PBX3: variants seen among roughly 807,000 people sequenced by gnomAD.
PBX3 encodes the protein PBX homeobox 3.
In PBX3, 14 loss-of-function variants were observed where a neutral mutation model predicts 48.5. The ratio of observed to expected loss-of-function variants is 0.29; its 90% CI spans 0.19 to 0.45. PBX3 has a LOEUF of 0.45. PBX3 is among the 20% of genes least tolerant of loss of function. The probability of loss-of-function intolerance (pLI) is 1.00; values close to 1 mark genes in which losing one functional copy is unlikely to be tolerated. For synonymous variants in PBX3, 210 were observed against 200.3 expected (o/e 1.05, Z -0.41); for missense variants, 386 against 546.7 (o/e 0.71, Z 2.93).
chr9:125,841,576 G>A (rs1443791278), intron 2 of PBX3, among the ~76,000 whole-genome samples: 3 of 152,116 alleles, frequency 2.0e-5, no homozygotes, highest in Non-Finnish European at 2.9e-5. Context: ...TCTTACCCCA[G>A]TTTATTCAGT....
intron 2 of PBX3, among the ~76,000 whole-genome samples, chr9:125,831,163 C>T (rs969560231): frequency 6.6e-6 from 1 of 152,240 alleles, no homozygotes; most frequent in East Asian, 1.9e-4. Flanking sequence ...TGAATTTCTT[C>T]TAGACTAGAA....
chr9:125,804,752 C>T (rs1838067567), intron 2 of PBX3, among the ~76,000 whole-genome samples: 1 of 151,868 alleles, frequency 6.6e-6, no homozygotes, highest in Non-Finnish European at 1.5e-5. Flanking sequence ...CAGCCTGGAG[C>T]CTAGCCAACA....
At position 125,962,127 on chromosome 9, in the gene PBX3, A is replaced by G; in HGVS notation, c.1035A>G (p.Pro345=). ...GTTCTTCTGGTTCTTTTAACCTCCC[A>G]AATTCTGGGGACATGTTCATGAACA... ...NSGSSGSFNL[P]NSGDMFMNMQ... The change falls in exon 7 of 9, where the codon CCA becomes CCG. Residue 345 remains proline (P), a synonymous_variant. Transcript: ENST00000373489. 1.2e-6 allele frequency: 2 copies of G among 1,611,316 alleles called. No homozygotes were observed. The highest frequency in any genetic ancestry group is 1.1e-5 in the South Asian group (1 of 90,954).
intron 2 of PBX3, among the ~76,000 whole-genome samples, chr9:125,899,521 G>T (rs1840891449): frequency 6.7e-6 from 1 of 149,088 alleles, no homozygotes; most frequent in Non-Finnish European, 1.5e-5. Context: ...TATTGTCAGA[G>T]GGTAGGTACA....
intron 2 of PBX3, among the ~76,000 whole-genome samples, chr9:125,887,930 G>A (rs908937059): frequency 6.6e-6 from 1 of 152,124 alleles, no homozygotes; most frequent in African/African-American, 2.4e-5. Flanking sequence ...AGATTACTGT[G>A]CATAATCAGC....
rs146047780 is a variant in PBX3 at position 125,748,751 on chromosome 9, C to T, written c.274+128C>T. 8.5e-4 allele frequency: 532 copies of T among 627,872 alleles called. 3 individuals are homozygous for T. Among genetic ancestry groups the T allele is most frequent in the African/African-American group, 8.1e-3 (442 of 54,906 alleles). 38.9% of individuals were successfully genotyped at this position (627,872 alleles called of 1,614,324 possible). On this transcript the variant is annotated intron_variant, in intron 2 of 8. Coordinates refer to ENST00000373489, the MANE Select transcript of PBX3 (RefSeq NM_006195.6). ...ATCTTTGATCATTCTCTCCTTCCCA[C>T]GTCCTGATCTTGAGAAAAAACTGCA...
chr9:125,853,478 AAAG>A (rs1466084855), intron 2 of PBX3, among the ~76,000 whole-genome samples: 1 of 152,216 alleles, frequency 6.6e-6, no homozygotes, highest in Non-Finnish European at 1.5e-5. Flanking sequence ...ATTTTTACAA[AAAG>A]AAGAATATCA....
chr9:125,795,042 C>T (rs1023993322), intron 2 of PBX3, among the ~76,000 whole-genome samples: 1 of 152,266 alleles, frequency 6.6e-6, no homozygotes, highest in African/African-American at 2.4e-5. Flanking sequence ...TAGCCACTGG[C>T]TTCATCCTCA....
intron 5 of PBX3, among the ~76,000 whole-genome samples, chr9:125,941,394 A>G (rs1841956492): frequency 6.6e-6 from 1 of 152,196 alleles, no homozygotes; most frequent in African/African-American, 2.4e-5. Context: ...GAGGAGTGAC[A>G]TGGATCTGAC....
intron 5 of PBX3, among the ~76,000 whole-genome samples, chr9:125,937,646 G>T (rs1841868132): frequency 6.6e-6 from 1 of 152,158 alleles, no homozygotes; most frequent in Non-Finnish European, 1.5e-5. Context: ...TTCTAGGCCT[G>T]ACAGGTCAAC....
Position 125,873,506 on chromosome 9 carries a change from C to A in PBX3, c.275-42180C>A, listed in dbSNP as rs539930810. ...TGACACATACCATATTCTCTTATGA[C>A]AAAACAAGTGGTTATAAATGAACAA... On this transcript the variant is annotated intron_variant, in intron 2 of 8. Transcript: ENST00000373489. Among the ~76,000 whole-genome samples the A allele has an allele frequency of 2.6e-3, 395 of 152,096 alleles. 2 individuals carry two copies. The highest frequency in any genetic ancestry group is 5.2e-3 in the South Asian group (25 of 4,812).
chr9:125,854,495 A>C (rs1458445465), intron 2 of PBX3, among the ~76,000 whole-genome samples: 1 of 152,146 alleles, frequency 6.6e-6, no homozygotes, highest in Non-Finnish European at 1.5e-5. Context: ...TTCCCAAATA[A>C]TTGCCCTTCA....
intron 2 of PBX3, chr9:125,797,608 G>A (rs939400365): frequency 6.6e-6 from 1 of 152,092 alleles, no homozygotes; most frequent in Non-Finnish European, 1.5e-5. Context: ...ATAGTACACA[G>A]TAAAATGGTT....
intron 4 of PBX3, among the ~76,000 whole-genome samples, chr9:125,932,504 A>G (rs1459459899): frequency 6.6e-6 from 1 of 152,248 alleles, no homozygotes; most frequent in Non-Finnish European, 1.5e-5. Flanking sequence ...GTTAGAGGCT[A>G]CCAAAAATAA....
intron 2 of PBX3, among the ~76,000 whole-genome samples, chr9:125,781,967 A>G (rs957092460): frequency 1.3e-5 from 2 of 151,748 alleles, no homozygotes; most frequent in Non-Finnish European, 2.9e-5. Context: ...TTAATTGTAT[A>G]TCATTTGATC....
chr9:125,895,315 C>G (rs1840744367), intron 2 of PBX3, among the ~76,000 whole-genome samples: 1 of 151,978 alleles, frequency 6.6e-6, no homozygotes, highest in Non-Finnish European at 1.5e-5. Flanking sequence ...ATAGAGAAAC[C>G]TATTTTCACA....
At chr9:125,925,477 C>A (rs377380644) in intron 3 of PBX3, among the ~76,000 whole-genome samples, 1 of 151,882 alleles carries the variant, frequency 6.6e-6, no homozygotes, top group African/African-American at 2.4e-5. Context: ...TCTTTCTTTT[C>A]TTTCTCTCAC....
intron 2 of PBX3, among the ~76,000 whole-genome samples, chr9:125,889,579 C>A (rs1434145846): frequency 6.6e-6 from 1 of 152,170 alleles, no homozygotes; most frequent in African/African-American, 2.4e-5. Context: ...CCCTGACAGG[C>A]TGATTTTCCA....
chr9:125,847,836 T>G (rs1158594525), intron 2 of PBX3, among the ~76,000 whole-genome samples: 1 of 151,920 alleles, frequency 6.6e-6, no homozygotes, highest in Non-Finnish European at 1.5e-5. Flanking sequence ...GTAGAATGGT[T>G]GTAATTGTAG....
Sources: gnomAD v4.1 joint callset for allele counts (sites outside exome capture counted in the v4.1 genomes callset) on GRCh38, gnomAD v4.1.1 for gene constraint, MANE v1.5 for transcripts, NCBI Gene and HGNC (gene_info 2026-07-23, HGNC 2026-07-21) for gene names.